GRM6: variants seen among roughly 807,000 people sequenced by gnomAD.
The protein encoded by GRM6 is glutamate metabotropic receptor 6.
Under a neutral mutation model 78.4 loss-of-function variants are expected in GRM6, and 73 were observed. That is an observed-to-expected ratio of 0.93 (90% CI 0.77 to 1.13). The LOEUF is 1.13. Ranked by LOEUF, GRM6 falls within the 50% of genes most tolerant of loss-of-function variation. GRM6 has a pLI of 0.00. For missense variants in GRM6, 1,251 were observed against 1,256.4 expected (o/e 1.00, Z 0.07); for synonymous variants, 580 against 555.0 (o/e 1.05, Z -0.63).
rs939634403 is a variant in GRM6, at chr5:178,991,008, C to G, written c.858-262G>C. 1.3e-5 allele frequency among the ~76,000 whole-genome samples: 2 copies of G among 152,142 alleles called. No individual in the cohort carries two copies. Among genetic ancestry groups the G allele is most frequent in the African/African-American group, 4.8e-5 (2 of 41,410 alleles). The stretch of plus-strand genomic sequence containing the variant: ...CTTGGGGGAAAATCCAGTTCGAAGC[C>G]AGCCCCTCCCCACATGCCTCCACCA... On this transcript the variant is annotated intron_variant, in intron 4 of 10. Coordinates refer to ENST00000517717, the MANE Select transcript of GRM6 (RefSeq NM_000843.4). This position sits in a 1 kb window ranked among gnomAD's most constrained non-coding sequence, Gnocchi z 5.0.
chr5:178,986,718 C>T lies in GRM6; in HGVS notation c.1536G>A (p.Glu512=), dbSNP rs1289871598. 1.2e-6 allele frequency: 2 copies of T among 1,605,092 alleles called. No homozygotes were observed. The highest frequency in any genetic ancestry group is 4.5e-5 in the East Asian group (2 of 44,816). Residue 512 remains glutamate, a synonymous_variant, in exon 9 of 11, where the codon GAG becomes GAA. Transcript: ENST00000517717. ...GCAGGCTGCACAGAGACGAGGGCAC[C>T]TCGTGGGGGTCGCCAGACCACTGCA... ...EALQWSGDPH[E]VPSSLCSLPC... is the part of the protein sequence containing the mutation.
At position 178,991,988 on chromosome 5, in the gene GRM6, C is replaced by T. The variant is rs1373518786; in HGVS notation, c.600G>A (p.Gln200=). 1 of 1,613,994 alleles carries T rather than the reference C, an allele frequency of 6.2e-7. No individual in the cohort carries two copies. The highest frequency in any genetic ancestry group is 2.2e-5 in the East Asian group (1 of 44,870). The change falls in exon 3 of 11, where the codon CAG becomes CAA. Residue 200 remains glutamine, a synonymous_variant. Coordinates refer to ENST00000517717, the MANE Select transcript of GRM6 (RefSeq NM_000843.4). This position sits in a 1 kb window ranked among gnomAD's most constrained non-coding sequence, Gnocchi z 5.0. ...TCACGATGTCCACCATGGCCTGCGC[C>T]TGGTAGGAGTCGGGTGGCACCACCC... ...FSRVVPPDSY[Q]AQAMVDIVRA...
In GRM6 at chr5:178,986,289, G is replaced by A; in HGVS notation, c.1965C>T (p.Leu655=). ...PGAAVCAARR[L]FLGLGTTLSY... ...TGAGGGTCGTGCCCAGGCCCAGGAA[G>A]AGCCTGCGGGCGGCACAGACCGCGG... The change falls in exon 9 of 11, where the codon CTC becomes CTT. Residue 655 remains leucine, a synonymous_variant. Coordinates refer to ENST00000517717, the MANE Select transcript of GRM6 (RefSeq NM_000843.4). The A allele has an allele frequency of 6.2e-7, 1 of 1,614,062 alleles. No individual in the cohort carries two copies. The highest frequency in any genetic ancestry group is 8.5e-7 in the Non-Finnish European group (1 of 1,179,992).
Position 178,986,208 on chromosome 5 carries a change from G to T in GRM6, c.2046C>A (p.Gly682=). 6 of 1,614,140 alleles carry T rather than the reference G, an allele frequency of 3.7e-6. No individual in the cohort carries two copies. The highest frequency in any genetic ancestry group is 5.1e-6 in the Non-Finnish European group (6 of 1,180,016). Residue 682 remains glycine, a synonymous_variant, in exon 9 of 11, where the codon GGC becomes GGA. Transcript: ENST00000517717. ...TNRIYRIFEQ[G]KRSVTPPPFI... ...AGGGAGGGGGTGTGACCGAGCGCTTGCCCTGCTCAAAGATGCGGTAGATAC... is the reference window on the plus strand; with the variant it reads ...AGGGAGGGGGTGTGACCGAGCGCTTTCCCTGCTCAAAGATGCGGTAGATAC...
chr5:178,981,579 C>A lies in GRM6; in HGVS notation c.*78G>T. 8.8e-7 allele frequency: 1 copy of A among 1,135,844 alleles called. No individual in the cohort carries two copies. The highest frequency in any genetic ancestry group is 1.8e-5 in the Admixed American group (1 of 55,512). 70.4% of individuals were successfully genotyped at this position (1,135,844 alleles called of 1,614,324 possible). ...TGCCACTGACTGTTCACCGTGGACCCGGGCTCTATACAGCTTCCACCTCGA... is the reference window on the plus strand; with the variant it reads ...TGCCACTGACTGTTCACCGTGGACCAGGGCTCTATACAGCTTCCACCTCGA... On this transcript the variant is annotated 3_prime_UTR_variant, in exon 11 of 11. Coordinates refer to ENST00000517717, the MANE Select transcript of GRM6 (RefSeq NM_000843.4). This position sits in a 1 kb window ranked among gnomAD's most constrained non-coding sequence, Gnocchi z 5.1.
rs753291673 is a variant in GRM6 at position 178,994,699 on chromosome 5, G to A, written c.246C>T (p.Asp82=). The change falls in exon 2 of 11, where the codon GAC becomes GAT. Residue 82 remains aspartate (D), a synonymous_variant. Transcript: ENST00000517717. ...MLYALDRVNA[D]PELLPGVRLG... ...GGCGCACGCCGGGCAGCAGCTCGGGGTCGGCGTTGACGCGGTCCAGCGCGT... is the reference window on the plus strand; with the variant it reads ...GGCGCACGCCGGGCAGCAGCTCGGGATCGGCGTTGACGCGGTCCAGCGCGT... 6.8e-7 allele frequency: 1 copy of A among 1,469,100 alleles called. No homozygotes were observed. The highest frequency in any genetic ancestry group is 1.5e-5 in the African/African-American group (1 of 68,220). The allele number at this position is 1,469,100 out of a possible 1,614,324, so 91.0% of individuals were successfully genotyped here.
chr5:178,985,424 C>G (rs1420072843), intron 9 of GRM6: 1 of 354,978 alleles, frequency 2.8e-6, no homozygotes, highest in Non-Finnish European at 5.5e-6. Context: ...AAAAAACTCA[C>G]TGGGCGCAGC....
chr5:178,983,513 C>A (rs1388681060), intron 9 of GRM6: 1 of 616,604 alleles, frequency 1.6e-6, no homozygotes, highest in South Asian at 1.5e-5. Flanking sequence ...TAAGGGGCAG[C>A]TTGGTGTCCT....
chr5:178,990,613 G>A lies in GRM6; in HGVS notation c.991C>T (p.Pro331Ser), dbSNP rs1760652009. The A allele has an allele frequency of 1.2e-6, 2 of 1,613,032 alleles. No individual in the cohort carries two copies. The highest frequency in any genetic ancestry group is 1.7e-5 in the Admixed American group (1 of 59,996). The change falls in exon 5 of 11, where the codon CCC becomes TCC. Residue 331 changes from proline (P) to serine (S), a missense_variant. Physicochemically the swap from Pro to Ser is moderately conservative, Grantham distance 74 (BLOSUM62 -1). Coordinates refer to ENST00000517717, the MANE Select transcript of GRM6 (RefSeq NM_000843.4). ...TCACCGTCGATGGAGGCCCTTTTGGGCAGGATGGTGATGGCCCCAACGGCC... is the reference window on the plus strand; with the variant it reads ...TCACCGTCGATGGAGGCCCTTTTGGACAGGATGGTGATGGCCCCAACGGCC... ...DVAVGAITIL[P>S]KRASIDGFDQ...
chr5:178,992,311 A>C lies in GRM6; in HGVS notation c.505-228T>G. On this transcript the variant is annotated intron_variant, in intron 2 of 10. Coordinates refer to ENST00000517717, the MANE Select transcript of GRM6 (RefSeq NM_000843.4). This position sits in a 1 kb window ranked among gnomAD's most constrained non-coding sequence, Gnocchi z 4.9. ...GCGAGTGGGCCTGAGAATTCCGTGA[A>C]TGCTGTGCAGGTGGGAGGTATGCAG... The C allele has an allele frequency of 3.0e-6, 2 of 661,352 alleles. No individual in the cohort carries two copies. 41.0% of individuals were successfully genotyped at this position (661,352 alleles called of 1,614,324 possible).
chr5:178,988,124 A>C lies in GRM6; in HGVS notation c.1354+811T>G, dbSNP rs1279517750. Among the ~76,000 whole-genome samples, 1 of 152,150 alleles carries C rather than the reference A, an allele frequency of 6.6e-6. No homozygotes were observed. Among genetic ancestry groups the C allele is most frequent in the Non-Finnish European group, 1.5e-5 (1 of 68,038 alleles). On this transcript the variant is annotated intron_variant, in intron 7 of 10. Transcript: ENST00000517717. This position sits in a 1 kb window ranked among gnomAD's most constrained non-coding sequence, Gnocchi z 6.0. ...TGGTTAAGGTGATACATTTTATATT[A>C]TATGTATTTTATCACAATTAAAAAT...
chr5:178,991,003 G>A lies in GRM6; in HGVS notation c.858-257C>T, dbSNP rs959405108. Among the ~76,000 whole-genome samples, 8 of 152,050 alleles carry A rather than the reference G, an allele frequency of 5.3e-5. No homozygotes were observed. The highest frequency in any genetic ancestry group is 8.8e-5 in the Non-Finnish European group (6 of 68,010). ...GACTCCTTGGGGGAAAATCCAGTTCGAAGCCAGCCCCTCCCCACATGCCTC... is the reference window on the plus strand; with the variant it reads ...GACTCCTTGGGGGAAAATCCAGTTCAAAGCCAGCCCCTCCCCACATGCCTC... On this transcript the variant is annotated intron_variant, in intron 4 of 10. Transcript: ENST00000517717. This position sits in a 1 kb window ranked among gnomAD's most constrained non-coding sequence, Gnocchi z 5.0.
intron 10 of GRM6, chr5:178,982,692 TAAAAA>T (rs11335877): frequency 0.051 from 21,971 of 432,500 alleles, 992 homozygotes; most frequent in East Asian, 0.17. Flanking sequence ...ATGAAAATGA[TAAAAA>T]AAAAAAAGAA....
In GRM6 at chr5:178,992,796, C is replaced by A. The variant is rs1760705775; in HGVS notation, c.505-713G>T. Among the ~76,000 whole-genome samples, 1 of 151,732 alleles carries A rather than the reference C, an allele frequency of 6.6e-6. No homozygotes were observed. Among genetic ancestry groups the A allele is most frequent in the South Asian group, 2.1e-4 (1 of 4,802 alleles). The stretch of plus-strand genomic sequence containing the variant: ...CTGGAAGGAGGGAGGGGGGCTGGTC[C>A]AGGGTTGTTTGAAGCAGGATAGAAA... On this transcript the variant is annotated intron_variant, in intron 2 of 10. Coordinates refer to ENST00000517717, the MANE Select transcript of GRM6 (RefSeq NM_000843.4). The surrounding 1 kb of genome is among the most constrained non-coding windows in gnomAD (Gnocchi z 4.9).
At position 178,979,100 on chromosome 5, in the gene GRM6, CATT is replaced by C. The variant is rs1187478853; in HGVS notation, c.*2554_*2556del. ...GACCTCGTCTCTACAAAAAATAAAA[CATT>C]AGCTGGGTATGGTCGTGCGCACCAG... On this transcript the variant is annotated 3_prime_UTR_variant, in exon 11 of 11. Coordinates refer to ENST00000517717, the MANE Select transcript of GRM6 (RefSeq NM_000843.4). 1 of 152,152 alleles carries C rather than the reference CATT, an allele frequency of 6.6e-6. No homozygotes were observed. Among genetic ancestry groups the C allele is most frequent in the Non-Finnish European group, 1.5e-5 (1 of 68,082 alleles). The allele number at this position is 152,152 out of a possible 1,614,324, so 9.4% of individuals were successfully genotyped here.
Position 178,981,543 on chromosome 5 carries a change from G to A in GRM6, c.*114C>T. 1 of 809,824 alleles carries A rather than the reference G, an allele frequency of 1.2e-6. No individual in the cohort carries two copies. Among genetic ancestry groups the A allele is most frequent in the South Asian group, 1.7e-5 (1 of 60,112 alleles). The allele number at this position is 809,824 out of a possible 1,614,324, so 50.2% of individuals were successfully genotyped here. On this transcript the variant is annotated 3_prime_UTR_variant, in exon 11 of 11. Transcript: ENST00000517717. The surrounding 1 kb of genome is among the most constrained non-coding windows in gnomAD (Gnocchi z 5.1). ...CCCCACCGACGCGGAGCATGGTCTT[G>A]GCAAACTCCCTGCCACTGACTGTTC...
chr5:178,989,215 TC>T, intron 6 of GRM6, 49 bp downstream of exon 6: 3 of 886,700 alleles, frequency 3.4e-6, no homozygotes, highest in Non-Finnish European at 4.8e-6. Flanking sequence ...CTCCCCACCC[TC>T]ACCACCCTCC....
At chr5:178,990,840 T>C in intron 4 of GRM6, 94 bp from the exon 5 acceptor site, 1 of 1,029,674 alleles carries the variant, frequency 9.7e-7, no homozygotes, top group South Asian at 1.6e-5. Context: ...CCCTGCTCTA[T>C]AATCACTCAC....
At chr5:178,989,211 A>AGC in intron 6 of GRM6, 54 bp downstream of exon 6, 13 of 121,688 alleles carry the variant, frequency 1.1e-4, no homozygotes, top group Non-Finnish European at 1.6e-4. Flanking sequence ...CCCCCTCCCC[A>AGC]CCCTCACCAC....
Sources: allele counts gnomAD v4.1 joint callset (sites outside exome capture counted in the v4.1 genomes callset), GRCh38; gene constraint gnomAD v4.1.1; non-coding constraint Gnocchi (gnomAD v3.1); transcripts MANE v1.5; gene names NCBI Gene and HGNC (gene_info 2026-07-23, HGNC 2026-07-21).